BMP8A: variants seen among roughly 807,000 people sequenced by gnomAD.
BMP8A encodes BMP-8A.
Under a neutral mutation model 36.8 loss-of-function variants are expected in BMP8A, and 14 were observed. The observed-to-expected ratio is 0.38, with a 90% CI of 0.25 to 0.60. The LOEUF (loss-of-function observed/expected upper bound fraction) is 0.60. Ranked by LOEUF, BMP8A falls within the 20% of genes least tolerant of loss-of-function variation. BMP8A has a pLI of 0.63. For missense variants in BMP8A, 267 were observed against 551.1 expected, an observed-to-expected ratio of 0.48 and a Z score of 5.16; for synonymous variants, 120 against 237.7, an observed-to-expected ratio of 0.50 and a Z score of 4.55.
At chr1:39,518,115 G>A (rs1036941128) in intron 3 of BMP8A, among the ~76,000 whole-genome samples, 10 of 151,288 alleles carry the variant, frequency 6.6e-5, no homozygotes, top group East Asian at 5.8e-4. Context: ...GTGTGTGTGC[G>A]CATGCACGCG....
At position 39,525,957 on chromosome 1, in the gene BMP8A, C is replaced by T; in HGVS notation, c.*159C>T. On this transcript the variant is annotated 3_prime_UTR_variant, in exon 7 of 7. Coordinates refer to ENST00000331593, the MANE Select transcript of BMP8A (RefSeq NM_181809.4). ...CAGGCTTCTGGTCCTTTCTCGGTAC[C>T]TCTGTGCCCCTCCCCTGGGGTTTGT... is the stretch of plus-strand genomic sequence containing the variant. 8.0e-7 allele frequency: 1 copy of T among 1,256,056 alleles called. No homozygotes were observed. The highest frequency in any genetic ancestry group is 1.1e-6 in the Non-Finnish European group (1 of 920,398). 77.8% of individuals were successfully genotyped at this position (1,256,056 alleles called of 1,614,324 possible).
chr1:39,525,938 T>A lies in BMP8A; in HGVS notation c.*140T>A. The A allele has an allele frequency of 7.1e-7, 1 of 1,401,462 alleles. No individual in the cohort carries two copies. Among genetic ancestry groups the A allele is most frequent in the Non-Finnish European group, 9.6e-7 (1 of 1,037,800 alleles). 86.8% of individuals were successfully genotyped at this position (1,401,462 alleles called of 1,614,324 possible). ...CTCGGTGCCTACTTCCTGTCAGGCTTCTGGTCCTTTCTCGGTACCTCTGTG... is the reference window on the plus strand; with the variant it reads ...CTCGGTGCCTACTTCCTGTCAGGCTACTGGTCCTTTCTCGGTACCTCTGTG... On this transcript the variant is annotated 3_prime_UTR_variant, in exon 7 of 7. Coordinates refer to ENST00000331593, the MANE Select transcript of BMP8A (RefSeq NM_181809.4).
intron 1 of BMP8A, among the ~76,000 whole-genome samples, chr1:39,499,569 G>A (rs1463957218): frequency 1.3e-5 from 2 of 152,256 alleles, no homozygotes; most frequent in East Asian, 3.8e-4. Flanking sequence ...CGCAGGGTTT[G>A]GCATCTGGAG....
Position 39,492,452 on chromosome 1 carries a change from G to C in BMP8A, c.334+127G>C, listed in dbSNP as rs1036574760. The C allele has an allele frequency of 6.0e-6, 8 of 1,343,678 alleles. No homozygotes were observed. In the African/African-American group the frequency reaches 1.2e-4, roughly 21 times the overall value. The allele number at this position is 1,343,678 out of a possible 1,614,324, so 83.2% of individuals were successfully genotyped here. A position where few individuals can be genotyped will look rare whatever the true frequency, so the allele number is the denominator to read the frequency against. ...CAGACGGTGGACGCGAACCACAGGGGAGTGGGACCGCCGTGGTTAGGGAAG... is the reference window on the plus strand; with the variant it reads ...CAGACGGTGGACGCGAACCACAGGGCAGTGGGACCGCCGTGGTTAGGGAAG... On this transcript the variant is annotated intron_variant, in intron 1 of 6. Transcript: ENST00000331593.
At chr1:39,523,748 C>G in intron 6 of BMP8A, 1 of 1,265,102 alleles carries the variant, frequency 7.9e-7, no homozygotes, top group Non-Finnish European at 1.0e-6. Context: ...CTGCTCACCA[C>G]TGAGTGCTCT....
intron 1 of BMP8A, among the ~76,000 whole-genome samples, chr1:39,500,180 A>G (rs1187924074): frequency 6.6e-6 from 1 of 152,150 alleles, no homozygotes; most frequent in Admixed American, 6.5e-5. Context: ...CTCTGCCTAG[A>G]AGGCTGTCCA....
At chr1:39,508,097 A>C (rs1645317789) in intron 1 of BMP8A, among the ~76,000 whole-genome samples, 1 of 152,074 alleles carries the variant, frequency 6.6e-6, no homozygotes, top group African/African-American at 2.4e-5. Context: ...TAAAAATACA[A>C]AAAATTAGCT....
At chr1:39,495,964 G>A (rs1645201781) in intron 1 of BMP8A, among the ~76,000 whole-genome samples, 1 of 150,386 alleles carries the variant, frequency 6.6e-6, no homozygotes, top group Admixed American at 6.6e-5. Context: ...TGCTCCTGTG[G>A]TCTCCGGTGG....
At chr1:39,502,152 C>T (rs770313757) in intron 1 of BMP8A, among the ~76,000 whole-genome samples, 7 of 150,468 alleles carry the variant, frequency 4.7e-5, no homozygotes, top group South Asian at 2.1e-4. Flanking sequence ...GCAGGAGAAT[C>T]GCTTGAACCC....
intron 1 of BMP8A, among the ~76,000 whole-genome samples, chr1:39,507,417 T>A (rs904946945): frequency 6.6e-6 from 1 of 152,226 alleles, no homozygotes; most frequent in Admixed American, 6.5e-5. Context: ...GCATGCTGTA[T>A]ATTGAGGACC....
At chr1:39,502,407 C>G (rs774573749) in intron 1 of BMP8A, among the ~76,000 whole-genome samples, 2 of 152,116 alleles carry the variant, frequency 1.3e-5, no homozygotes, top group Admixed American at 1.3e-4. Flanking sequence ...ACTGAAAGGG[C>G]CTAAAAGTAT....
intron 3 of BMP8A, among the ~76,000 whole-genome samples, chr1:39,519,525 A>C (rs1404645539): frequency 6.9e-6 from 1 of 145,526 alleles, no homozygotes; most frequent in African/African-American, 2.5e-5. Flanking sequence ...GCTCTTGTCC[A>C]TGCTCGTGAG....
chr1:39,506,024 GAAGGA>G (rs1645298445), intron 1 of BMP8A, among the ~76,000 whole-genome samples: 1 of 149,342 alleles, frequency 6.7e-6, no homozygotes, highest in South Asian at 2.1e-4. Context: ...GGTTGAAAGG[GAAGGA>G]AAGACTGAGG....
intron 1 of BMP8A, among the ~76,000 whole-genome samples, chr1:39,498,181 T>C (rs1201510009): frequency 2.0e-5 from 3 of 152,208 alleles, no homozygotes; most frequent in Non-Finnish European, 4.4e-5. Flanking sequence ...TGAAGTCCTT[T>C]CCAGCTCTGA....
chr1:39,511,078 G>C lies in BMP8A; in HGVS notation c.335-96G>C, dbSNP rs1645349990. On this transcript the variant is annotated intron_variant, in intron 1 of 6. Transcript: ENST00000331593. The stretch of plus-strand genomic sequence containing the variant: ...CCTCCCTGGGTCCGCTCCACCTTGA[G>C]TGGTGGGTGTCTGGGGGCGGTGGCT... 5 of 1,559,708 alleles carry C rather than the reference G, an allele frequency of 3.2e-6. No individual in the cohort carries two copies. The South Asian group carries it at 5.8e-5, about 18-fold the overall frequency.
intron 1 of BMP8A, among the ~76,000 whole-genome samples, chr1:39,505,986 C>CAAAAA (rs34923451): frequency 4.6e-4 from 61 of 133,014 alleles, no homozygotes; most frequent in Non-Finnish European, 5.8e-4. Flanking sequence ...ACCCTGTCTC[C>CAAAAA]AAAAAAAAAA....
chr1:39,507,504 G>T (rs1471661669), intron 1 of BMP8A, among the ~76,000 whole-genome samples: 2 of 152,210 alleles, frequency 1.3e-5, no homozygotes, highest in Admixed American at 1.3e-4. Context: ...AGACGGAGGT[G>T]GTCCACGGTA....
intron 1 of BMP8A, among the ~76,000 whole-genome samples, chr1:39,500,673 G>A (rs556055255): frequency 2.5e-4 from 38 of 151,216 alleles, no homozygotes; most frequent in African/African-American, 8.0e-4. Context: ...TTATTTTTGA[G>A]ACGGAGTCTT....
In BMP8A at chr1:39,522,987, C is replaced by T. The variant is rs1557695385; in HGVS notation, c.949-20C>T. 1 of 1,582,384 alleles carries T rather than the reference C, an allele frequency of 6.3e-7. No homozygotes were observed. The highest frequency in any genetic ancestry group is 1.3e-5 in the African/African-American group (1 of 74,478). On this transcript the variant is annotated intron_variant, in intron 5 of 6. Transcript: ENST00000331593. ...GGGAGGAGCACATGGATGGGACTCACCTTCTCCCTTGCCCCCCAGGACTGG... is the reference window on the plus strand; with the variant it reads ...GGGAGGAGCACATGGATGGGACTCATCTTCTCCCTTGCCCCCCAGGACTGG...
Sources: gnomAD v4.1 joint callset for allele counts (sites outside exome capture counted in the v4.1 genomes callset) on GRCh38, gnomAD v4.1.1 for gene constraint, MANE v1.5 for transcripts, NCBI Gene and HGNC (gene_info 2026-07-23, HGNC 2026-07-21) for gene names.